The following ACSM1 variants were observed in gnomAD, a reference collection of about 807,000 sequenced individuals.
The protein encoded by ACSM1 is acyl-coenzyme A synthetase ACSM1, mitochondrial.
In ACSM1, 79 loss-of-function variants were observed where a neutral mutation model predicts 75.8. That is an observed-to-expected ratio of 1.04 (90% CI 0.87 to 1.26). ACSM1 has a LOEUF of 1.26. ACSM1 is among the 50% of genes most tolerant of loss of function. The pLI, the probability that ACSM1 is intolerant of heterozygous loss-of-function variation, is 0.00. For missense variants in ACSM1, 676 were observed against 720.1 expected (o/e 0.94, Z 0.70); for synonymous variants, 279 against 265.8 (o/e 1.05, Z -0.48).
intron 4 of ACSM1, among the ~76,000 whole-genome samples, chr16:20,672,486 AT>A (rs2019994020): frequency 7.9e-6 from 1 of 126,438 alleles, no homozygotes; most frequent in African/African-American, 3.1e-5. Flanking sequence ...ATATATATAT[AT>A]ATATATATAA....
intron 12 of ACSM1, 61 bp downstream of exon 12, chr16:20,625,362 C>T (rs1277054432): frequency 3.3e-6 from 5 of 1,527,388 alleles, no homozygotes; most frequent in Admixed American, 3.4e-5. Context: ...CTGGATGTTT[C>T]CCCTGCACCT....
intron 13 of ACSM1, 148 bp downstream of exon 13, chr16:20,623,948 G>A: frequency 8.1e-7 from 1 of 1,235,978 alleles, no homozygotes; most frequent in South Asian, 1.4e-5. Context: ...GGAGAGCCAT[G>A]GAGGACATGA....
At chr16:20,625,389 C>A (rs769424379) in intron 12 of ACSM1, 34 bp downstream of exon 12, 1 of 1,598,430 alleles carries the variant, frequency 6.3e-7, no homozygotes, top group Non-Finnish European at 8.6e-7. Flanking sequence ...CTAGTGCCCA[C>A]GCACAGACAT....
chr16:20,676,928 C>A (rs2020317398), intron 4 of ACSM1, among the ~76,000 whole-genome samples: 1 of 152,140 alleles, frequency 6.6e-6, no homozygotes, highest in South Asian at 2.1e-4. Flanking sequence ...ACTCCCTGCA[C>A]CTGCTGTGAA....
intron 2 of ACSM1, among the ~76,000 whole-genome samples, chr16:20,685,658 AAAAATTTAAAAATTAGCTG>A (rs1222684523): frequency 6.6e-5 from 10 of 151,840 alleles, no homozygotes; most frequent in African/African-American, 2.4e-4. Flanking sequence ...TGTCTCTACT[AAAAATTTAAAAATTAGCTG>A]GGCATGGTGG....
rs997873145 is a variant in ACSM1, at chr16:20,691,297, G to T, written c.-51-58C>A. On this transcript the variant is annotated intron_variant, in intron 1 of 13. Transcript: ENST00000520010. ...TATCCAAAACTTTCTCCCTAAATTGGGTGCATGTTTTTGGTTAATTGCTAC... is the reference window on the plus strand; with the variant it reads ...TATCCAAAACTTTCTCCCTAAATTGTGTGCATGTTTTTGGTTAATTGCTAC... The T allele has an allele frequency of 4.1e-6, 4 of 975,178 alleles. No homozygotes were observed. The African/African-American group carries it at 5.1e-5, about 12-fold the overall frequency. 60.4% of individuals were successfully genotyped at this position (975,178 alleles called of 1,614,324 possible).
intron 7 of ACSM1, among the ~76,000 whole-genome samples, chr16:20,645,250 G>A (rs2018294618): frequency 6.6e-6 from 1 of 152,196 alleles, no homozygotes; most frequent in Non-Finnish European, 1.5e-5. Flanking sequence ...AGGTCCATGG[G>A]TGGTTATGCA....
At chr16:20,693,712 C>T (rs1345687628) in intron 1 of ACSM1, among the ~76,000 whole-genome samples, 1 of 152,120 alleles carries the variant, frequency 6.6e-6, no homozygotes, top group African/African-American at 2.4e-5. Flanking sequence ...TTATTTTGTC[C>T]CTCCTGCCTG....
At chr16:20,672,539 T>A (rs1779312111) in intron 4 of ACSM1, among the ~76,000 whole-genome samples, 1 of 132,576 alleles carries the variant, frequency 7.5e-6, no homozygotes, top group South Asian at 2.2e-4. Context: ...TAAATTTATA[T>A]ATAAAATTAT....
chr16:20,636,245 G>A (rs1180481064), intron 10 of ACSM1, among the ~76,000 whole-genome samples: 1 of 152,094 alleles, frequency 6.6e-6, no homozygotes, highest in Non-Finnish European at 1.5e-5. Context: ...AGTTTCAGCA[G>A]GTTTCCTTGT....
At chr16:20,678,011 A>AAAATAAATAAATAAATAAAT (rs146714630) in intron 4 of ACSM1, among the ~76,000 whole-genome samples, 8,260 of 143,710 alleles carry the variant, frequency 0.057, 599 homozygotes, top group African/African-American at 0.15. Context: ...ACTAAAGGCT[A>AAAATAAATAAATAAATAAAT]AAATAAATAA....
intron 9 of ACSM1, 109 bp from the exon 10 acceptor site, chr16:20,636,949 G>A (rs1399109824): frequency 1.3e-6 from 1 of 777,884 alleles, no homozygotes; most frequent in East Asian, 2.5e-5. Context: ...TGAAATAACA[G>A]AGGAAACATC....
At chr16:20,629,718 G>C (rs909333179) in intron 10 of ACSM1, among the ~76,000 whole-genome samples, 3 of 152,194 alleles carry the variant, frequency 2.0e-5, no homozygotes, top group African/African-American at 7.2e-5. Context: ...ATTCCACTGG[G>C]CGTGGTGGCT....
At chr16:20,626,904 CAG>C (rs1389921113) in intron 11 of ACSM1, among the ~76,000 whole-genome samples, 1 of 152,072 alleles carries the variant, frequency 6.6e-6, no homozygotes, top group Non-Finnish European at 1.5e-5. Context: ...GAGACCAAGA[CAG>C]AGTCTCCCTT....
At chr16:20,693,520 C>G (rs2079673961) in intron 1 of ACSM1, among the ~76,000 whole-genome samples, 2 of 152,186 alleles carry the variant, frequency 1.3e-5, no homozygotes, top group African/African-American at 4.8e-5. Context: ...TAAGTTCCCT[C>G]TTGCTCACTT....
chr16:20,692,031 TC>T lies in ACSM1; in HGVS notation c.-51-793del, dbSNP rs148183126. ...ATGTCTGCCCCTGTCTTGTTAATAT[TC>T]TCTGGATTCTGTAAGCCAAAAGATT... On this transcript the variant is annotated intron_variant, in intron 1 of 13. Coordinates refer to ENST00000520010, the MANE Select transcript of ACSM1 (RefSeq NM_001318890.3). Among the ~76,000 whole-genome samples the T allele has an allele frequency of 2.7e-3, 411 of 152,280 alleles. 1 individual carries two copies. Among genetic ancestry groups the T allele is most frequent in the Non-Finnish European group, 4.7e-3 (322 of 68,016 alleles).
intron 4 of ACSM1, chr16:20,680,262 C>G (rs1000187317): frequency 6.6e-6 from 1 of 152,200 alleles, no homozygotes; most frequent in Non-Finnish European, 1.5e-5. Flanking sequence ...AGACTAGGAG[C>G]AGGCCTTGGA....
At chr16:20,635,847 A>T (rs1052988249) in intron 10 of ACSM1, among the ~76,000 whole-genome samples, 6 of 151,996 alleles carry the variant, frequency 3.9e-5, no homozygotes, top group Non-Finnish European at 8.8e-5. Flanking sequence ...CACTGTGTCA[A>T]CCAGGCTGGT....
At position 20,682,249 on chromosome 16, in the gene ACSM1, G is replaced by A; in HGVS notation, c.611+7C>T. On this transcript the variant is annotated splice_region_variant and intron_variant, in intron 4 of 13. Coordinates refer to ENST00000520010, the MANE Select transcript of ACSM1 (RefSeq NM_001318890.3). Reference sequence around the variant, plus strand: ...CAGAGATTATATTCATCAGACCAGAGACTCACTTAACCAGCGATCGGAAGT... The same window carrying A: ...CAGAGATTATATTCATCAGACCAGAAACTCACTTAACCAGCGATCGGAAGT... The A allele has an allele frequency of 6.2e-7, 1 of 1,611,936 alleles. No individual in the cohort carries two copies. Among genetic ancestry groups the A allele is most frequent in the Non-Finnish European group, 8.5e-7 (1 of 1,179,478 alleles).
Sources: gnomAD v4.1 joint callset for allele counts (sites outside exome capture counted in the v4.1 genomes callset) on GRCh38, gnomAD v4.1.1 for gene constraint, MANE v1.5 for transcripts, NCBI Gene and HGNC (gene_info 2026-07-23, HGNC 2026-07-21) for gene names.